Variants in TSPAN12 observed in about 807,000 individuals in gnomAD.
TSPAN12 encodes the protein tetraspanin 12, also known as tetraspanin-12.
TSPAN12 carries 19 observed loss-of-function variants against 39.2 expected under a neutral mutation model. The observed-to-expected ratio is 0.49, with a 90% CI of 0.34 to 0.71. The LOEUF is 0.71. TSPAN12 is among the 30% of genes least tolerant of loss of function. The probability of loss-of-function intolerance (pLI) is 0.01; values close to 1 mark genes in which losing one functional copy is unlikely to be tolerated. For synonymous variants in TSPAN12, 119 were observed against 124.8 expected, an observed-to-expected ratio of 0.95 and a Z score of 0.31; for missense variants, 314 against 359.9, an observed-to-expected ratio of 0.87 and a Z score of 1.03.
intron 4 of TSPAN12, among the ~76,000 whole-genome samples, chr7:120,819,092 A>G (rs1794138623): frequency 6.6e-6 from 1 of 152,064 alleles, no homozygotes; most frequent in Non-Finnish European, 1.5e-5. Context: ...ACTATGAGAC[A>G]TTTTTTGCTC....
intron 7 of TSPAN12, among the ~76,000 whole-genome samples, chr7:120,798,823 C>T (rs570547460): frequency 3.0e-4 from 46 of 152,004 alleles, no homozygotes; most frequent in Non-Finnish European, 5.7e-4. Flanking sequence ...TGCCCTTTTT[C>T]GACCCTGTGC....
intron 5 of TSPAN12, 29 bp from the exon 6 acceptor site, chr7:120,810,599 C>T (rs1245672977): frequency 1.7e-6 from 2 of 1,191,452 alleles, no homozygotes; most frequent in Non-Finnish European, 1.3e-6. Context: ...ATATCAACAG[C>T]TGTAGCTCAC....
chr7:120,826,308 C>T (rs1414455026), intron 4 of TSPAN12, among the ~76,000 whole-genome samples: 1 of 152,054 alleles, frequency 6.6e-6, no homozygotes, highest in African/African-American at 2.4e-5. Flanking sequence ...CTACAAGTTC[C>T]CAGGGTCAAT....
At position 120,857,919 on chromosome 7, in the gene TSPAN12, G is replaced by A. The variant is rs570053771; in HGVS notation, c.-170C>T. ...GGGAACTTCTTCGCGGAGAGCCGGA[G>A]GGCTGCATTGGCTTCAGCTGGAGAC... On this transcript the variant is annotated 5_prime_UTR_variant, in exon 1 of 8. Coordinates refer to ENST00000222747, the MANE Select transcript of TSPAN12 (RefSeq NM_012338.4). 1 of 152,610 alleles carries A rather than the reference G, an allele frequency of 6.6e-6. No individual in the cohort carries two copies. The highest frequency in any genetic ancestry group is 2.0e-4 in the South Asian group (1 of 4,972). 9.5% of individuals were successfully genotyped at this position (152,610 alleles called of 1,614,324 possible). A position where few individuals can be genotyped will look rare whatever the true frequency, so the allele number is the denominator to read the frequency against.
chr7:120,830,366 G>T (rs1794368459), intron 4 of TSPAN12, among the ~76,000 whole-genome samples: 1 of 151,916 alleles, frequency 6.6e-6, no homozygotes, highest in South Asian at 2.1e-4. Flanking sequence ...AAACAACAAA[G>T]CTGCAGGTAT....
intron 5 of TSPAN12, chr7:120,814,367 T>C: frequency 2.3e-6 from 1 of 427,672 alleles, no homozygotes; most frequent in South Asian, 1.7e-5. Flanking sequence ...CGTTCCTCCC[T>C]GCCTTCCCCT....
intron 4 of TSPAN12, among the ~76,000 whole-genome samples, chr7:120,833,414 C>CA (rs1051255423): frequency 2.5e-4 from 36 of 143,732 alleles, no homozygotes; most frequent in Middle Eastern, 3.5e-3. Context: ...AACAAACAAA[C>CA]AAAAAAAAAA....
At chr7:120,846,223 C>T (rs1428446806) in intron 2 of TSPAN12, among the ~76,000 whole-genome samples, 1 of 152,182 alleles carries the variant, frequency 6.6e-6, no homozygotes, top group African/African-American at 2.4e-5. Flanking sequence ...TCACACCAGG[C>T]CTCTCAGCCA....
intron 4 of TSPAN12, among the ~76,000 whole-genome samples, chr7:120,835,088 A>G (rs1794452230): frequency 6.6e-6 from 1 of 152,252 alleles, no homozygotes; most frequent in South Asian, 2.1e-4. Flanking sequence ...AACACTTATT[A>G]AAGCAATGAG....
chr7:120,845,402 T>C (rs1441995934), intron 2 of TSPAN12, among the ~76,000 whole-genome samples: 1 of 152,250 alleles, frequency 6.6e-6, no homozygotes, highest in Non-Finnish European at 1.5e-5. Context: ...TTCTACCACA[T>C]GGTCAAGCTG....
chr7:120,788,454 G>A lies in TSPAN12; in HGVS notation c.*138C>T. On this transcript the variant is annotated 3_prime_UTR_variant, in exon 8 of 8. Coordinates refer to ENST00000222747, the MANE Select transcript of TSPAN12 (RefSeq NM_012338.4). ...GAAACTTTTCCATCCTCATTTTAAA[G>A]CATAGAATAGTATATGCTTAGGTGT... 1 of 1,039,264 alleles carries A rather than the reference G, an allele frequency of 9.6e-7. No homozygotes were observed. Among genetic ancestry groups the A allele is most frequent in the Non-Finnish European group, 1.4e-6 (1 of 700,442 alleles). The allele number at this position is 1,039,264 out of a possible 1,614,324, so 64.4% of individuals were successfully genotyped here. A position where few individuals can be genotyped will look rare whatever the true frequency, so the allele number is the denominator to read the frequency against.
intron 4 of TSPAN12, among the ~76,000 whole-genome samples, chr7:120,816,365 CA>C (rs34279049): frequency 1.7e-4 from 25 of 148,436 alleles, no homozygotes; most frequent in African/African-American, 6.0e-4. Context: ...CATGCGCAGG[CA>C]AAAAAAAACA....
intron 4 of TSPAN12, among the ~76,000 whole-genome samples, chr7:120,836,269 T>A (rs555648824): frequency 6.4e-4 from 98 of 152,174 alleles, no homozygotes; most frequent in Non-Finnish European, 1.3e-3. Context: ...AGACCACAGA[T>A]CATTCTTTAG....
chr7:120,820,016 A>G (rs980850263), intron 4 of TSPAN12, among the ~76,000 whole-genome samples: 1 of 152,126 alleles, frequency 6.6e-6, no homozygotes, highest in African/African-American at 2.4e-5. Context: ...ACAGACACCT[A>G]TTGTCTTCAA....
chr7:120,824,674 TAACA>T (rs1457154613), intron 4 of TSPAN12, among the ~76,000 whole-genome samples: 2 of 152,198 alleles, frequency 1.3e-5, no homozygotes, highest in Non-Finnish European at 2.9e-5. Flanking sequence ...TAATGGGTAT[TAACA>T]AACTTTCTAA....
At chr7:120,800,402 G>A (rs755112860) in intron 7 of TSPAN12, among the ~76,000 whole-genome samples, 6 of 152,172 alleles carry the variant, frequency 3.9e-5, no homozygotes, top group Non-Finnish European at 8.8e-5. Flanking sequence ...TGGTAAGCTG[G>A]TAAGAATGGT....
In TSPAN12 at chr7:120,857,999, GAA is replaced by G. The variant is rs561967326; in HGVS notation, c.-252_-251del. On this transcript the variant is annotated 5_prime_UTR_variant, in exon 1 of 8. Transcript: ENST00000222747. ...CGCCGTCGCCGCCTCCTGGGAAAAA[GAA>G]AAAAAAAAAAAAAAGTCCTGGGCAG... 2.0e-4 allele frequency: 23 copies of G among 114,102 alleles called. No individual in the cohort carries two copies. Among genetic ancestry groups the G allele is most frequent in the Non-Finnish European group, 3.8e-4 (20 of 52,298 alleles). The allele number at this position is 114,102 out of a possible 1,614,324, so 7.1% of individuals were successfully genotyped here. A position where few individuals can be genotyped will look rare whatever the true frequency, so the allele number is the denominator to read the frequency against.
rs775221651 is a variant in TSPAN12 at position 120,788,705 on chromosome 7, G to A, written c.805C>T (p.Gln269Ter). 3.1e-6 allele frequency: 5 copies of A among 1,614,152 alleles called. No homozygotes were observed. The highest frequency in any genetic ancestry group is 1.7e-6 in the Non-Finnish European group (2 of 1,180,018). The change falls in exon 8 of 8, where the codon CAG becomes TAG. Residue 269 changes from glutamine to a stop codon, truncating the protein, a stop_gained. Coordinates refer to ENST00000222747, the MANE Select transcript of TSPAN12 (RefSeq NM_012338.4). LOFTEE classifies it high-confidence loss of function. ...QMMSLKNDNSQHLSCPSVELL... is the reference protein window; with the variant it reads ...QMMSLKNDNS ...TCTACTGAGGGACATGACAGGTGCT[G>A]AGAGTTGTCATTCTTCAAGGACATC...
At chr7:120,797,504 T>C (rs1366178243) in intron 7 of TSPAN12, among the ~76,000 whole-genome samples, 1 of 152,250 alleles carries the variant, frequency 6.6e-6, no homozygotes, top group Non-Finnish European at 1.5e-5. Context: ...GAGTTAGCAC[T>C]TTCTTTAATT....
Sources: allele counts gnomAD v4.1 joint callset (sites outside exome capture counted in the v4.1 genomes callset), GRCh38; gene constraint gnomAD v4.1.1; transcripts MANE v1.5; gene names NCBI Gene and HGNC (gene_info 2026-07-23, HGNC 2026-07-21).